Variants in HDAC2 observed in about 807,000 individuals in gnomAD.
HDAC2 encodes the protein histone deacetylase 2.
In HDAC2, 5 loss-of-function variants were observed where a neutral mutation model predicts 68.5. The observed-to-expected ratio is 0.07, with a 90% CI of 0.04 to 0.15. The LOEUF (loss-of-function observed/expected upper bound fraction) is 0.15. Among genes scored for constraint, HDAC2 ranks in the 10% least tolerant of loss-of-function variants. The probability of loss-of-function intolerance (pLI) is 1.00; values close to 1 mark genes in which losing one functional copy is unlikely to be tolerated. For missense variants in HDAC2, 291 were observed against 600.8 expected (o/e 0.48, Z 5.39); for synonymous variants, 182 against 191.3 (o/e 0.95, Z 0.40).
At chr6:113,953,176 T>C in intron 6 of HDAC2, 101 bp downstream of exon 6, 1 of 822,188 alleles carries the variant, frequency 1.2e-6, no homozygotes, top group Non-Finnish European at 1.9e-6. Flanking sequence ...GCATACAAGT[T>C]TCAAATTATT....
chr6:113,964,922 C>A (rs903297676), intron 1 of HDAC2, among the ~76,000 whole-genome samples: 6 of 152,220 alleles, frequency 3.9e-5, no homozygotes, highest in Non-Finnish European at 8.8e-5. Context: ...AACTCCATTT[C>A]TAATCCATCA....
chr6:113,959,337 G>A (rs994969742), intron 2 of HDAC2, among the ~76,000 whole-genome samples: 9 of 151,918 alleles, frequency 5.9e-5, no homozygotes, highest in African/African-American at 2.2e-4. Flanking sequence ...AGCATTAATT[G>A]TTTTAAATAT....
intron 3 of HDAC2, among the ~76,000 whole-genome samples, chr6:113,958,143 C>T (rs1435974205): frequency 6.6e-6 from 1 of 152,146 alleles, no homozygotes; most frequent in South Asian, 2.1e-4. Flanking sequence ...TACCTTCAAG[C>T]CAATTTGTTA....
chr6:113,943,612 C>T (rs142302027), intron 11 of HDAC2, 106 bp from the exon 12 acceptor site: 44 of 698,446 alleles, frequency 6.3e-5, no homozygotes, highest in African/African-American at 5.7e-4. Flanking sequence ...CACATTTAAA[C>T]GTAAAGGGTA....
intron 5 of HDAC2, among the ~76,000 whole-genome samples, chr6:113,954,702 T>C (rs1582487838): frequency 2.0e-5 from 3 of 152,338 alleles, no homozygotes; most frequent in South Asian, 2.1e-4. Flanking sequence ...TCAATCACTG[T>C]TTATTTGAGG....
intron 1 of HDAC2, chr6:113,969,960 T>C (rs1276969316): frequency 1.3e-5 from 2 of 152,098 alleles, no homozygotes; most frequent in Admixed American, 6.5e-5. Flanking sequence ...AAGAAGTGGG[T>C]GGTAACCACC....
intron 13 of HDAC2, 142 bp downstream of exon 13, chr6:113,941,566 C>A: frequency 2.4e-6 from 1 of 413,960 alleles, no homozygotes; most frequent in South Asian, 8.1e-5. Context: ...TGTACCAATA[C>A]AAACTAAAAT....
intron 12 of HDAC2, among the ~76,000 whole-genome samples, chr6:113,943,109 T>C (rs573344437): frequency 6.6e-6 from 1 of 152,306 alleles, no homozygotes. Flanking sequence ...TGTTCACTAT[T>C]TTAAACCTAT....
chr6:113,955,874 A>T (rs1776541665), intron 5 of HDAC2, 139 bp downstream of exon 5: 1 of 607,376 alleles, frequency 1.6e-6, no homozygotes, highest in Admixed American at 3.7e-5. Flanking sequence ...ATTGTTTTGT[A>T]ATGAATTCAT....
chr6:113,943,265 T>C, intron 12 of HDAC2, 86 bp downstream of exon 12: 3 of 1,060,598 alleles, frequency 2.8e-6, no homozygotes, highest in Non-Finnish European at 4.1e-6. Context: ...CCTGTGCAAC[T>C]GACTTCTCGA....
chr6:113,959,421 C>T (rs1776628300), intron 2 of HDAC2, among the ~76,000 whole-genome samples: 1 of 151,824 alleles, frequency 6.6e-6, no homozygotes, highest in African/African-American at 2.4e-5. Flanking sequence ...TCTACAAAAA[C>T]ATTAAGGCAG....
intron 13 of HDAC2, 73 bp from the exon 14 acceptor site, chr6:113,941,161 A>G (rs568398699): frequency 3.6e-6 from 4 of 1,110,782 alleles, no homozygotes; most frequent in Non-Finnish European, 1.4e-6. Context: ...TATTATATTG[A>G]TCAGGTCCTG....
At chr6:113,945,927 C>G in intron 9 of HDAC2, 81 bp downstream of exon 9, 1 of 1,075,864 alleles carries the variant, frequency 9.3e-7, no homozygotes, top group Non-Finnish European at 1.4e-6. Context: ...ATGGGTTTAT[C>G]AGGACCTAAT....
rs1033928754 is a variant in HDAC2, at chr6:113,935,419, A to G, written c.*5639T>C. 6.6e-6 allele frequency: 1 copy of G among 152,250 alleles called. No individual in the cohort carries two copies. The highest frequency in any genetic ancestry group is 1.5e-5 in the Non-Finnish European group (1 of 68,048). 9.4% of individuals were successfully genotyped at this position (152,250 alleles called of 1,614,324 possible). On this transcript the variant is annotated 3_prime_UTR_variant, in exon 14 of 14. Coordinates refer to ENST00000519065, the MANE Select transcript of HDAC2 (RefSeq NM_001527.4). ...ACTTTCCTTTAAAAGTTTTACCTGT[A>G]CATCATCCTAGTAAGTATATGGCAA... is the stretch of plus-strand genomic sequence containing the variant.
chr6:113,935,213 A>C lies in HDAC2; in HGVS notation c.*5845T>G, dbSNP rs996129441. ...AGACTTCAGAATAAGAAAATTTTTG[A>C]AGTGCATTTCTCACTTAAGGACATA... On this transcript the variant is annotated 3_prime_UTR_variant, in exon 14 of 14. Transcript: ENST00000519065. 2.0e-5 allele frequency: 3 copies of C among 152,218 alleles called. No homozygotes were observed. Among genetic ancestry groups the C allele is most frequent in the African/African-American group, 7.2e-5 (3 of 41,458 alleles). 9.4% of individuals were successfully genotyped at this position (152,218 alleles called of 1,614,324 possible). A position where few individuals can be genotyped will look rare whatever the true frequency, so the allele number is the denominator to read the frequency against.
At chr6:113,952,576 G>A (rs1776445484) in intron 6 of HDAC2, among the ~76,000 whole-genome samples, 1 of 152,098 alleles carries the variant, frequency 6.6e-6, no homozygotes, top group Non-Finnish European at 1.5e-5. Flanking sequence ...AATCCAGGCT[G>A]AACTAAAAAC....
intron 1 of HDAC2, chr6:113,969,968 A>C (rs2114627719): frequency 6.6e-6 from 1 of 152,226 alleles, no homozygotes; most frequent in Middle Eastern, 3.4e-3. Flanking sequence ...GGTGGTAACC[A>C]CCTCTCTGAG....
chr6:113,966,190 CTAAATG>C (rs574803491), intron 1 of HDAC2, among the ~76,000 whole-genome samples: 310 of 152,216 alleles, frequency 2.0e-3, no homozygotes, highest in Non-Finnish European at 3.8e-3. Flanking sequence ...CCCATCCTAC[CTAAATG>C]TAGTTCAGAG....
At position 113,938,045 on chromosome 6, in the gene HDAC2, G is replaced by T; in HGVS notation, c.*3013C>A. On this transcript the variant is annotated 3_prime_UTR_variant, in exon 14 of 14. Coordinates refer to ENST00000519065, the MANE Select transcript of HDAC2 (RefSeq NM_001527.4). ...GCCTGTAATCCCAGCTACTCAGGAG[G>T]CTGAGGCAGGAGAATGGCTTCAACC... 1 of 152,372 alleles carries T rather than the reference G, an allele frequency of 6.6e-6. No homozygotes were observed. The highest frequency in any genetic ancestry group is 1.5e-5 in the Non-Finnish European group (1 of 68,080). The allele number at this position is 152,372 out of a possible 1,614,324, so 9.4% of individuals were successfully genotyped here. A position where few individuals can be genotyped will look rare whatever the true frequency, so the allele number is the denominator to read the frequency against.
Sources: gnomAD v4.1 joint callset for allele counts (sites outside exome capture counted in the v4.1 genomes callset) on GRCh38, gnomAD v4.1.1 for gene constraint, MANE v1.5 for transcripts, NCBI Gene and HGNC (gene_info 2026-07-23, HGNC 2026-07-21) for gene names.